The following SLC25A42 variants were observed in gnomAD, a reference collection of about 807,000 sequenced individuals.
The protein encoded by SLC25A42 is solute carrier family 25 member 42.
SLC25A42 carries 19 observed loss-of-function variants against 34.7 expected under a neutral mutation model. The observed-to-expected ratio is 0.55, with a 90% CI of 0.38 to 0.80. SLC25A42 has a LOEUF of 0.80. SLC25A42 is among the 30% of genes least tolerant of loss of function. The pLI is 0.00. For synonymous variants in SLC25A42, 205 were observed against 191.2 expected (o/e 1.07, Z -0.59); for missense variants, 364 against 441.3 (o/e 0.82, Z 1.57).
At position 19,111,173 on chromosome 19, in the gene SLC25A42, G is replaced by C. The variant is rs977843725; in HGVS notation, c.*297G>C. Reference sequence around the variant, plus strand: ...GTTGCCCAAAAGGCCCTAGTGGGGCGTGGTCAGCTCCACCTCCTGATCCTG... The same window carrying C: ...GTTGCCCAAAAGGCCCTAGTGGGGCCTGGTCAGCTCCACCTCCTGATCCTG... On this transcript the variant is annotated 3_prime_UTR_variant, in exon 8 of 8. Transcript: ENST00000318596. 1 of 472,740 alleles carries C rather than the reference G, an allele frequency of 2.1e-6. No homozygotes were observed. Among genetic ancestry groups the C allele is most frequent in the Admixed American group, 3.8e-5 (1 of 26,078 alleles). The allele number at this position is 472,740 out of a possible 1,614,324, so 29.3% of individuals were successfully genotyped here.
At chr19:19,070,991 C>CTTTTTTTT (rs35787720) in intron 1 of SLC25A42, among the ~76,000 whole-genome samples, 5 of 117,208 alleles carry the variant, frequency 4.3e-5, no homozygotes, top group African/African-American at 1.7e-4. Context: ...TGCATACCGT[C>CTTTTTTTT]TTTTTTTTTT....
At chr19:19,069,206 A>G (rs2059617338) in intron 1 of SLC25A42, among the ~76,000 whole-genome samples, 1 of 152,188 alleles carries the variant, frequency 6.6e-6, no homozygotes, top group African/African-American at 2.4e-5. Context: ...ACCTTTTGCT[A>G]CTACCATCTT....
intron 2 of SLC25A42, among the ~76,000 whole-genome samples, chr19:19,099,974 C>T (rs550860107): frequency 4.6e-5 from 7 of 151,858 alleles, no homozygotes; most frequent in Non-Finnish European, 8.8e-5. Context: ...GTGATCTGCC[C>T]GCCTCGGCCT....
At chr19:19,097,545 G>A (rs1020528408) in intron 2 of SLC25A42, among the ~76,000 whole-genome samples, 1 of 152,220 alleles carries the variant, frequency 6.6e-6, no homozygotes, top group Admixed American at 6.5e-5. Context: ...TCACTTGCCG[G>A]GCATCACACA....
chr19:19,064,677 C>A (rs1418582885), intron 1 of SLC25A42, among the ~76,000 whole-genome samples: 1 of 151,178 alleles, frequency 6.6e-6, no homozygotes, highest in African/African-American at 2.4e-5. Context: ...TTCCCCCTGG[C>A]ACCTGCCCTC....
At chr19:19,074,709 G>A (rs2059647201) in intron 1 of SLC25A42, among the ~76,000 whole-genome samples, 1 of 151,900 alleles carries the variant, frequency 6.6e-6, no homozygotes, top group Non-Finnish European at 1.5e-5. Flanking sequence ...GAGAGTGTGT[G>A]TGTGCGTGCG....
intron 5 of SLC25A42, 58 bp from the exon 6 acceptor site, chr19:19,106,211 C>A (rs1388302260): frequency 1.4e-6 from 2 of 1,458,946 alleles, no homozygotes; most frequent in Non-Finnish European, 1.9e-6. Context: ...CAGGCTGGGC[C>A]TCTGTGCATC....
At chr19:19,079,937 G>A (rs1158597333) in intron 1 of SLC25A42, among the ~76,000 whole-genome samples, 1 of 152,176 alleles carries the variant, frequency 6.6e-6, no homozygotes, top group Non-Finnish European at 1.5e-5. Flanking sequence ...GGCCACAATA[G>A]TATCTCCCTG....
intron 1 of SLC25A42, among the ~76,000 whole-genome samples, chr19:19,089,362 G>A (rs1314083965): frequency 6.6e-6 from 1 of 150,846 alleles, no homozygotes; most frequent in Non-Finnish European, 1.5e-5. Flanking sequence ...CCCATCTCTA[G>A]TAAAAGTACA....
At chr19:19,084,569 G>A (rs2059697898) in intron 1 of SLC25A42, among the ~76,000 whole-genome samples, 1 of 152,198 alleles carries the variant, frequency 6.6e-6, no homozygotes, top group Non-Finnish European at 1.5e-5. Context: ...ATAATTCCAA[G>A]TCCTATCCAT....
chr19:19,101,932 C>T, intron 3 of SLC25A42, 46 bp downstream of exon 3: 1 of 1,360,648 alleles, frequency 7.3e-7, no homozygotes, highest in South Asian at 1.2e-5. Flanking sequence ...GCCAGGCGGT[C>T]ACCTCCTCCT....
intron 1 of SLC25A42, among the ~76,000 whole-genome samples, chr19:19,095,341 C>G (rs1291236860): frequency 6.6e-6 from 1 of 151,628 alleles, no homozygotes; most frequent in Non-Finnish European, 1.5e-5. Flanking sequence ...AGGCCAGGTG[C>G]GGTGGCTCAT....
rs147586790 is a variant in SLC25A42, at chr19:19,091,500, T to C, written c.-34-4591T>C. On this transcript the variant is annotated intron_variant, in intron 1 of 7. Transcript: ENST00000318596. The stretch of plus-strand genomic sequence containing the variant: ...AAATAAAAATAAATAAAGGGTAGTT[T>C]GTATCACTAATTAAAAATAAATTCA... Among the ~76,000 whole-genome samples the C allele has an allele frequency of 4.1e-3, 622 of 152,042 alleles. 7 individuals are homozygous for C. Among genetic ancestry groups the C allele is most frequent in the African/African-American group, 0.014 (601 of 41,500 alleles).
intron 1 of SLC25A42, among the ~76,000 whole-genome samples, chr19:19,085,033 T>C (rs1266704760): frequency 6.6e-6 from 1 of 151,780 alleles, no homozygotes; most frequent in African/African-American, 2.4e-5. Context: ...GGGGCCAGGC[T>C]CCATGGAGAA....
intron 1 of SLC25A42, among the ~76,000 whole-genome samples, chr19:19,075,396 G>A (rs2059650900): frequency 6.6e-6 from 1 of 152,244 alleles, no homozygotes; most frequent in African/African-American, 2.4e-5. Flanking sequence ...TGCATGAACA[G>A]AAGCAGCATG....
At chr19:19,090,591 G>T (rs1447588628) in intron 1 of SLC25A42, among the ~76,000 whole-genome samples, 1 of 152,112 alleles carries the variant, frequency 6.6e-6, no homozygotes, top group Non-Finnish European at 1.5e-5. Context: ...ATTTTGGGAG[G>T]CTGAGGCGGG....
intron 1 of SLC25A42, among the ~76,000 whole-genome samples, chr19:19,074,478 T>C (rs1383973754): frequency 6.6e-6 from 1 of 152,220 alleles, no homozygotes; most frequent in Non-Finnish European, 1.5e-5. Flanking sequence ...CTGCTTATAA[T>C]AAACTCCATC....
At chr19:19,077,305 T>A (rs2059660176) in intron 1 of SLC25A42, among the ~76,000 whole-genome samples, 1 of 152,216 alleles carries the variant, frequency 6.6e-6, no homozygotes, top group Non-Finnish European at 1.5e-5. Context: ...CCACCATCCG[T>A]CTCCACAACT....
At chr19:19,105,224 G>T in intron 4 of SLC25A42, 2 of 574,934 alleles carry the variant, frequency 3.5e-6, no homozygotes, top group Non-Finnish European at 6.2e-6. Flanking sequence ...TAAAGGAAAA[G>T]ATAAACTGTA....
Sources: gnomAD v4.1 joint callset for allele counts (sites outside exome capture counted in the v4.1 genomes callset) on GRCh38, gnomAD v4.1.1 for gene constraint, MANE v1.5 for transcripts, NCBI Gene and HGNC (gene_info 2026-07-23, HGNC 2026-07-21) for gene names.